CTNNA3: variants seen among roughly 807,000 people sequenced by gnomAD.
CTNNA3 encodes the protein catenin alpha-3.
In CTNNA3, 76 loss-of-function variants were observed where a neutral mutation model predicts 95.7. The ratio of observed to expected loss-of-function variants is 0.79; its 90% CI spans 0.66 to 0.96. CTNNA3 has a LOEUF of 0.96. Among genes scored for constraint, CTNNA3 ranks in the 40% least tolerant of loss-of-function variants. The probability of loss-of-function intolerance (pLI) is 0.00; values close to 1 mark genes in which losing one functional copy is unlikely to be tolerated. For missense variants in CTNNA3, 1,191 were observed against 1,089.8 expected (o/e 1.09, Z -1.31); for synonymous variants, 431 against 374.4 (o/e 1.15, Z -1.74).
At chr10:65,970,801 G>A (rs2078081040) in intron 16 of CTNNA3, among the ~76,000 whole-genome samples, 1 of 149,878 alleles carries the variant, frequency 6.7e-6, no homozygotes, top group South Asian at 2.1e-4. Context: ...GATGATAAAG[G>A]GTTGAATTCA....
chr10:66,446,396 C>T (rs2093421683), intron 11 of CTNNA3, among the ~76,000 whole-genome samples: 1 of 151,988 alleles, frequency 6.6e-6, no homozygotes, highest in Non-Finnish European at 1.5e-5. Context: ...GACCAATATC[C>T]TTGATGAACA....
At chr10:67,312,227 C>T (rs1589153892) in intron 5 of CTNNA3, among the ~76,000 whole-genome samples, 1 of 152,082 alleles carries the variant, frequency 6.6e-6, no homozygotes. Flanking sequence ...CACGCACCAC[C>T]GTGCCCAGCT....
intron 13 of CTNNA3, among the ~76,000 whole-genome samples, chr10:66,171,612 C>G (rs925028177): frequency 6.6e-6 from 1 of 151,764 alleles, no homozygotes; most frequent in Non-Finnish European, 1.5e-5. Context: ...GGACCTTAAG[C>G]ATGTGTTCGT....
At chr10:66,734,872 C>CAA (rs34979571) in intron 9 of CTNNA3, among the ~76,000 whole-genome samples, 3,688 of 132,658 alleles carry the variant, frequency 0.028, 140 homozygotes, top group East Asian at 0.19. Flanking sequence ...AAGACTGTTT[C>CAA]AAAAAAAAAA....
chr10:67,054,251 A>T (rs1368879282), intron 7 of CTNNA3, among the ~76,000 whole-genome samples: 3 of 152,172 alleles, frequency 2.0e-5, no homozygotes, highest in Non-Finnish European at 2.9e-5. Flanking sequence ...ATTTGTCAAC[A>T]ATGTGGAGAT....
intron 13 of CTNNA3, among the ~76,000 whole-genome samples, chr10:66,230,023 A>G (rs2394197): frequency 0.69 from 105,127 of 151,604 alleles, 36,513 homozygotes; most frequent in South Asian, 0.78. Flanking sequence ...AAGTTTTTCT[A>G]TTGTATTTTT....
chr10:67,282,573 T>TA (rs1212627591), intron 5 of CTNNA3, among the ~76,000 whole-genome samples: 5 of 152,372 alleles, frequency 3.3e-5, no homozygotes, highest in African/African-American at 9.6e-5. Context: ...GTTTTGCTCT[T>TA]ACATTATTTG....
intron 9 of CTNNA3, among the ~76,000 whole-genome samples, chr10:66,754,380 C>G (rs1839283840): frequency 6.6e-6 from 1 of 152,068 alleles, no homozygotes; most frequent in Non-Finnish European, 1.5e-5. Flanking sequence ...AGATCAAACA[C>G]CTAAGTGTGA....
chr10:66,320,148 A>G (rs1423392154), intron 12 of CTNNA3, among the ~76,000 whole-genome samples: 1 of 152,038 alleles, frequency 6.6e-6, no homozygotes, highest in African/African-American at 2.4e-5. Flanking sequence ...GACCATCACT[A>G]TGACCATTCT....
At chr10:66,091,919 T>C (rs185416183) in intron 14 of CTNNA3, among the ~76,000 whole-genome samples, 10 of 152,012 alleles carry the variant, frequency 6.6e-5, no homozygotes, top group Non-Finnish European at 1.3e-4. Flanking sequence ...GCTATGCATA[T>C]AAGATAATTT....
chr10:66,957,415 C>T (rs201127798), intron 7 of CTNNA3, among the ~76,000 whole-genome samples: 4 of 32,526 alleles, frequency 1.2e-4, no homozygotes, highest in Admixed American at 2.8e-4. Flanking sequence ...TATATATATG[C>T]ATATATATAT....
chr10:66,720,196 TG>T (rs1404232401), intron 9 of CTNNA3, among the ~76,000 whole-genome samples: 2 of 147,530 alleles, frequency 1.4e-5, no homozygotes, highest in African/African-American at 2.4e-5. Flanking sequence ...TAAAAAAAAA[TG>T]AAAGAGAGAA....
intron 7 of CTNNA3, among the ~76,000 whole-genome samples, chr10:67,147,300 A>G (rs907524015): frequency 6.6e-6 from 1 of 152,196 alleles, no homozygotes; most frequent in Admixed American, 6.5e-5. Context: ...TTTACAAGTT[A>G]TTTAACCTCT....
At chr10:67,048,677 T>G (rs537409476) in intron 7 of CTNNA3, among the ~76,000 whole-genome samples, 2 of 152,162 alleles carry the variant, frequency 1.3e-5, no homozygotes, top group Middle Eastern at 3.4e-3. Context: ...ACTACATAGC[T>G]CTCACAGTAA....
intron 5 of CTNNA3, among the ~76,000 whole-genome samples, chr10:67,236,686 TA>T (rs945972561): frequency 2.7e-4 from 40 of 149,518 alleles, no homozygotes; most frequent in African/African-American, 7.6e-4. Flanking sequence ...AATAAAAAAA[TA>T]AAAAAAGAAG....
intron 7 of CTNNA3, among the ~76,000 whole-genome samples, chr10:66,825,374 C>T (rs1030319912): frequency 6.6e-6 from 1 of 151,002 alleles, no homozygotes; most frequent in African/African-American, 2.4e-5. Flanking sequence ...CTTCCGGGTT[C>T]AAGCAATTCT....
At chr10:66,390,903 C>T (rs2092928728) in intron 11 of CTNNA3, among the ~76,000 whole-genome samples, 2 of 152,184 alleles carry the variant, frequency 1.3e-5, no homozygotes, top group Admixed American at 1.3e-4. Context: ...CTCCTAAATC[C>T]TTTCTTCTGT....
chr10:66,111,401 A>G (rs2127611), intron 13 of CTNNA3, among the ~76,000 whole-genome samples: 69,707 of 152,058 alleles, frequency 0.46, 17,722 homozygotes, highest in African/African-American at 0.69. Context: ...GCTTTATAGG[A>G]ATGTGAGAAC....
At chr10:67,611,156 G>A (rs539508579) in intron 2 of CTNNA3, among the ~76,000 whole-genome samples, 2 of 152,204 alleles carry the variant, frequency 1.3e-5, no homozygotes, top group East Asian at 3.9e-4. Flanking sequence ...AAAATTAAGA[G>A]TATAAAAAAG....
Sources: allele counts gnomAD v4.1 joint callset (sites outside exome capture counted in the v4.1 genomes callset), GRCh38; gene constraint gnomAD v4.1.1; transcripts MANE v1.5; gene names NCBI Gene and HGNC (gene_info 2026-07-23, HGNC 2026-07-21).